Variants in PIP5K1C observed in about 807,000 individuals in gnomAD.
The protein encoded by PIP5K1C is phosphatidylinositol 4-phosphate 5-kinase type-1 gamma.
A neutral mutation model predicts 80.1 loss-of-function variants in PIP5K1C; 45 were observed. The ratio of observed to expected loss-of-function variants is 0.56; its 90% CI spans 0.44 to 0.72. The LOEUF (loss-of-function observed/expected upper bound fraction) is 0.72. Among genes scored for constraint, PIP5K1C ranks in the 30% least tolerant of loss-of-function variants. The pLI is 0.00. For missense variants in PIP5K1C, 753 were observed against 954.6 expected (o/e 0.79, Z 2.78); for synonymous variants, 498 against 420.1 (o/e 1.19, Z -2.27).
intron 1 of PIP5K1C, among the ~76,000 whole-genome samples, chr19:3,681,701 T>C (rs142637143): frequency 1.3e-3 from 202 of 152,254 alleles, no homozygotes; most frequent in Admixed American, 2.9e-3. Flanking sequence ...CAGAGGTCTC[T>C]GCTAGTCAAA....
At position 3,700,381 on chromosome 19, in the gene PIP5K1C, C is replaced by A. The variant is rs1600110656; in HGVS notation, c.10G>T (p.Glu4Ter). The A allele has an allele frequency of 3.3e-6, 4 of 1,209,160 alleles. No homozygotes were observed. The highest frequency in any genetic ancestry group is 4.2e-6 in the Non-Finnish European group (4 of 958,662). The allele number at this position is 1,209,160 out of a possible 1,614,324, so 74.9% of individuals were successfully genotyped here. A position where few individuals can be genotyped will look rare whatever the true frequency, so the allele number is the denominator to read the frequency against. Residue 4 changes from glutamate to a stop codon, truncating the protein, a stop_gained, in exon 1 of 18, where the codon GAG becomes TAG. Transcript: ENST00000335312. LOFTEE classifies it high-confidence loss of function. Reference sequence around the variant, plus strand: ...GCGCTCTCCGCCTCGTCCGGTACCTCCAGCTCCATGGCCGCGCGCGGACGG... The same window carrying A: ...GCGCTCTCCGCCTCGTCCGGTACCTACAGCTCCATGGCCGCGCGCGGACGG... MEL[E>*]VPDEAESAEA...
intron 5 of PIP5K1C, among the ~76,000 whole-genome samples, chr19:3,657,852 T>C (rs1454544140): frequency 6.6e-6 from 1 of 151,968 alleles, no homozygotes; most frequent in Non-Finnish European, 1.5e-5. Context: ...GGAGGATCAC[T>C]TGAGCCCAGG....
intron 1 of PIP5K1C, among the ~76,000 whole-genome samples, chr19:3,689,436 G>A (rs1316602581): frequency 1.3e-5 from 2 of 151,952 alleles, no homozygotes; most frequent in South Asian, 2.1e-4. Flanking sequence ...GGATCACAAG[G>A]TCAGGAGTTC....
In PIP5K1C at chr19:3,637,458, C is replaced by T. The variant is rs150414663; in HGVS notation, c.1920+1426G>A. The T allele has an allele frequency of 4.6e-3, 7,013 of 1,535,700 alleles. 34 individuals carry two copies. Among genetic ancestry groups the T allele is most frequent in the Middle Eastern group, 0.012 (71 of 5,990 alleles). On this transcript the variant is annotated intron_variant, in intron 16 of 17. Transcript: ENST00000335312. The surrounding 1 kb of genome is among the most constrained non-coding windows in gnomAD (Gnocchi z 7.0). ...CAACTGACGTCAGACACTGAGCTTC[C>T]GGCCGGGGACCTGCGGCTCCCTGCT...
intron 5 of PIP5K1C, among the ~76,000 whole-genome samples, chr19:3,657,594 G>A (rs554557309): frequency 6.6e-6 from 1 of 152,168 alleles, no homozygotes; most frequent in South Asian, 2.1e-4. Flanking sequence ...TAAACAGGTG[G>A]GGGGTGTCCA....
Position 3,637,848 on chromosome 19 carries a change from C to A in PIP5K1C, c.1920+1036G>T. 6.5e-7 allele frequency: 1 copy of A among 1,535,412 alleles called. No homozygotes were observed. Among genetic ancestry groups the A allele is most frequent in the Non-Finnish European group, 8.7e-7 (1 of 1,146,694 alleles). On this transcript the variant is annotated intron_variant, in intron 16 of 17. Coordinates refer to ENST00000335312, the MANE Select transcript of PIP5K1C (RefSeq NM_012398.3). This position sits in a 1 kb window ranked among gnomAD's most constrained non-coding sequence, Gnocchi z 7.0. ...ATCAGGACACAGACACACAGCACGACATGGCCCCCAGGCCCCCCGTACCAT... is the reference window on the plus strand; with the variant it reads ...ATCAGGACACAGACACACAGCACGAAATGGCCCCCAGGCCCCCCGTACCAT...
At chr19:3,646,843 G>A (rs891633805) in intron 10 of PIP5K1C, among the ~76,000 whole-genome samples, 5 of 152,218 alleles carry the variant, frequency 3.3e-5, no homozygotes, top group Middle Eastern at 3.4e-3. Context: ...GGCCCCAGGC[G>A]GTACTCTGCG....
intron 1 of PIP5K1C, among the ~76,000 whole-genome samples, chr19:3,675,039 G>A (rs2035316401): frequency 1.3e-5 from 2 of 152,254 alleles, no homozygotes; most frequent in South Asian, 2.1e-4. Flanking sequence ...AAATGTCCAG[G>A]ACAGGCTGAT....
intron 1 of PIP5K1C, among the ~76,000 whole-genome samples, chr19:3,684,236 T>C (rs1466814969): frequency 6.6e-6 from 1 of 152,118 alleles, no homozygotes; most frequent in Non-Finnish European, 1.5e-5. Context: ...TTTCTTTGCC[T>C]TATAATTAGA....
At chr19:3,670,503 C>T (rs1012769265) in intron 1 of PIP5K1C, among the ~76,000 whole-genome samples, 8 of 152,148 alleles carry the variant, frequency 5.3e-5, no homozygotes, top group Non-Finnish European at 7.4e-5. Flanking sequence ...CGAGGTCGGT[C>T]GGGAGGGCAG....
At chr19:3,686,881 C>G (rs1192729833) in intron 1 of PIP5K1C, among the ~76,000 whole-genome samples, 1 of 151,508 alleles carries the variant, frequency 6.6e-6, no homozygotes, top group Non-Finnish European at 1.5e-5. Flanking sequence ...ACACCAAAAG[C>G]ATAAGCAAGC....
intron 2 of PIP5K1C, among the ~76,000 whole-genome samples, chr19:3,666,183 G>T (rs886303167): frequency 6.6e-6 from 1 of 152,246 alleles, no homozygotes; most frequent in Non-Finnish European, 1.5e-5. Context: ...TACGGACGCA[G>T]GGCCAAGGGT....
At chr19:3,668,958 G>C (rs1049810098) in intron 1 of PIP5K1C, among the ~76,000 whole-genome samples, 1 of 152,218 alleles carries the variant, frequency 6.6e-6, no homozygotes, top group African/African-American at 2.4e-5. Context: ...GTACCGAAGG[G>C]GAGTGCCTCC....
Position 3,687,464 on chromosome 19 carries a change from G to A in PIP5K1C, c.94+12833C>T, listed in dbSNP as rs148510068. 5.8e-3 allele frequency among the ~76,000 whole-genome samples: 888 copies of A among 152,196 alleles called. 6 individuals carry two copies. The highest frequency in any genetic ancestry group is 9.5e-3 in the Non-Finnish European group (649 of 68,016). On this transcript the variant is annotated intron_variant, in intron 1 of 17. Transcript: ENST00000335312. ...GACCCACAGGTGCAGGGAGCGGTGA[G>A]GGCCTGTGGGAAGGGGACACAGACG...
intron 1 of PIP5K1C, among the ~76,000 whole-genome samples, chr19:3,672,180 T>TA (rs1300263832): frequency 6.6e-6 from 1 of 152,216 alleles, no homozygotes; most frequent in East Asian, 1.9e-4. Flanking sequence ...TCTCTCTCTA[T>TA]AAAGTGCGGC....
At chr19:3,634,397 G>A (rs190321695) in intron 16 of PIP5K1C, among the ~76,000 whole-genome samples, 6 of 151,070 alleles carry the variant, frequency 4.0e-5, no homozygotes, top group East Asian at 2.0e-4. Context: ...CCTCTCTCTC[G>A]GGCCTCTGTC....
chr19:3,639,731 CTT>C (rs901053342), intron 15 of PIP5K1C, among the ~76,000 whole-genome samples: 1 of 152,096 alleles, frequency 6.6e-6, no homozygotes, highest in African/African-American at 2.4e-5. Context: ...AGCCCAGCCT[CTT>C]TGTTCTTTTC....
Position 3,697,958 on chromosome 19 carries a change from A to G in PIP5K1C, c.94+2339T>C, listed in dbSNP as rs546280875. Among the ~76,000 whole-genome samples, 183 of 152,354 alleles carry G rather than the reference A, an allele frequency of 1.2e-3. 1 individual carries two copies. The highest frequency in any genetic ancestry group is 4.2e-3 in the African/African-American group (175 of 41,588). ...GGAGCCCAGGCAATTAGAGGAACCA[A>G]ATTCTAAACACCAACGAGACATTGC... On this transcript the variant is annotated intron_variant, in intron 1 of 17. Coordinates refer to ENST00000335312, the MANE Select transcript of PIP5K1C (RefSeq NM_012398.3).
At chr19:3,638,104 G>C (rs2145377897) in intron 16 of PIP5K1C, 1 of 1,398,186 alleles carries the variant, frequency 7.2e-7, no homozygotes. Context: ...TCCTTCCCAG[G>C]GGGTGCAGGG....
Sources: allele counts gnomAD v4.1 joint callset (sites outside exome capture counted in the v4.1 genomes callset), GRCh38; gene constraint gnomAD v4.1.1; non-coding constraint Gnocchi (gnomAD v3.1); transcripts MANE v1.5; gene names NCBI Gene and HGNC (gene_info 2026-07-23, HGNC 2026-07-21).